TENM3: variants seen among roughly 807,000 people sequenced by gnomAD.
The protein encoded by TENM3 is teneurin transmembrane protein 3.
In TENM3, 63 loss-of-function variants were observed where a neutral mutation model predicts 255.1. The observed-to-expected ratio is 0.25, with a 90% CI of 0.20 to 0.30. TENM3 has a LOEUF of 0.30. Ranked by LOEUF, TENM3 falls within the 10% of genes least tolerant of loss-of-function variation. TENM3 has a pLI of 1.00. For missense variants in TENM3, 2,929 were observed against 3,461.1 expected, an observed-to-expected ratio of 0.85 and a Z score of 3.86; for synonymous variants, 1,306 against 1,322.3, an observed-to-expected ratio of 0.99 and a Z score of 0.27.
intron 3 of TENM3, among the ~76,000 whole-genome samples, chr4:182,466,394 T>C (rs1732593837): frequency 6.6e-6 from 1 of 152,204 alleles, no homozygotes; most frequent in African/African-American, 2.4e-5. Context: ...TCCATTTTCA[T>C]GTGGACTTCT....
the TENM3 span, among the ~76,000 whole-genome samples, chr4:181,623,662 C>T: frequency 7.9e-5 from 12 of 152,274 alleles, no homozygotes; most frequent in Non-Finnish European, 1.6e-4. Context: ...GGAGCTGCCG[C>T]TAAAATTATT....
chr4:182,066,717 T>C, the TENM3 span, among the ~76,000 whole-genome samples: 41 of 151,840 alleles, frequency 2.7e-4, no homozygotes, highest in South Asian at 2.7e-3. Flanking sequence ...GAGACCGTCC[T>C]GGCTAACACC....
At chr4:182,105,286 A>C in the TENM3 span, among the ~76,000 whole-genome samples, 1 of 152,200 alleles carries the variant, frequency 6.6e-6, no homozygotes, top group South Asian at 2.1e-4. Flanking sequence ...TTGAGTGGCA[A>C]TAGGAGACTG....
the TENM3 span, among the ~76,000 whole-genome samples, chr4:181,746,637 T>C: frequency 1.3e-5 from 2 of 152,146 alleles, no homozygotes; most frequent in Non-Finnish European, 2.9e-5. Flanking sequence ...TCTACCTGTA[T>C]AAGTATGACT....
chr4:181,513,485 C>G, the TENM3 span, among the ~76,000 whole-genome samples: 93 of 152,192 alleles, frequency 6.1e-4, no homozygotes, highest in African/African-American at 2.0e-3. Context: ...CTAGAAAACT[C>G]AGATAAAAGT....
the TENM3 span, among the ~76,000 whole-genome samples, chr4:181,704,870 T>A: frequency 6.6e-6 from 1 of 151,910 alleles, no homozygotes; most frequent in Non-Finnish European, 1.5e-5. Flanking sequence ...CCGTCTCTAC[T>A]AAAAATACAA....
rs1411478814 is a variant in TENM3 at position 182,673,062 on chromosome 4, T to C, written c.1169T>C (p.Ile390Thr). ...ACCATAGATTCCGGAGAACTTGATA[T>C]TGGCCGAAGAGCAATTCAAGAGATT... ...NNTIDSGELD[I>T]GRRAIQEIPP... Residue 390 changes from isoleucine to threonine, a missense_variant, in exon 7 of 28, where the codon ATT (isoleucine) becomes ACT (threonine). By Grantham distance (89) the Ile-to-Thr change is moderately conservative (BLOSUM62 -1). Around this residue, in one of 6 missense-constraint regions of TENM3, gnomAD observed 1,608 missense variants for 1,884.4 expected, o/e 0.85. Coordinates refer to ENST00000511685, the MANE Select transcript of TENM3 (RefSeq NM_001080477.4). 3 of 1,609,570 alleles carry C rather than the reference T, an allele frequency of 1.9e-6. No homozygotes were observed. Among genetic ancestry groups the C allele is most frequent in the South Asian group, 2.2e-5 (2 of 90,136 alleles).
the TENM3 span, among the ~76,000 whole-genome samples, chr4:182,118,506 C>A: frequency 6.6e-6 from 1 of 151,918 alleles, no homozygotes; most frequent in Non-Finnish European, 1.5e-5. Flanking sequence ...ATCTTGAACT[C>A]CTGGCCCCAA....
At chr4:181,468,912 C>T in the TENM3 span, among the ~76,000 whole-genome samples, 1 of 152,296 alleles carries the variant, frequency 6.6e-6, no homozygotes, top group East Asian at 1.9e-4. Flanking sequence ...CCAATGGACC[C>T]ATTTTTCTCT....
the TENM3 span, among the ~76,000 whole-genome samples, chr4:181,848,475 G>A: frequency 6.6e-6 from 1 of 152,126 alleles, no homozygotes; most frequent in South Asian, 2.1e-4. Flanking sequence ...CAATATGAAG[G>A]ATGATGGGTA....
At chr4:182,568,144 C>A (rs1201863510) in intron 3 of TENM3, among the ~76,000 whole-genome samples, 1 of 152,192 alleles carries the variant, frequency 6.6e-6, no homozygotes, top group Non-Finnish European at 1.5e-5. Context: ...CTACCTCCAA[C>A]CTACCTTCAA....
chr4:182,603,871 C>T (rs1005543996), intron 4 of TENM3, among the ~76,000 whole-genome samples: 4 of 151,242 alleles, frequency 2.6e-5, no homozygotes, highest in African/African-American at 9.7e-5. Flanking sequence ...AATTCAGTTA[C>T]GAATAAATAA....
chr4:181,688,372 C>G, the TENM3 span, among the ~76,000 whole-genome samples: 1 of 151,984 alleles, frequency 6.6e-6, no homozygotes, highest in Admixed American at 6.6e-5. Flanking sequence ...TTTTTTATAG[C>G]AATAGTAACT....
chr4:182,642,444 G>T (rs1414092319), intron 5 of TENM3, among the ~76,000 whole-genome samples: 1 of 152,174 alleles, frequency 6.6e-6, no homozygotes. Context: ...AAGAAAAAAT[G>T]CAAGGAAACT....
the TENM3 span, among the ~76,000 whole-genome samples, chr4:181,897,182 C>T: frequency 2.6e-5 from 4 of 152,314 alleles, no homozygotes; most frequent in East Asian, 7.7e-4. Flanking sequence ...GATCTGCAGC[C>T]TAGCAGTTCA....
chr4:181,731,188 G>A, the TENM3 span, among the ~76,000 whole-genome samples: 1 of 152,144 alleles, frequency 6.6e-6, no homozygotes, highest in African/African-American at 2.4e-5. Flanking sequence ...AAGAGGACAG[G>A]TAATACTTTT....
intron 1 of TENM3, among the ~76,000 whole-genome samples, chr4:182,214,740 T>C (rs1337766835): frequency 3.3e-5 from 5 of 152,006 alleles, no homozygotes; most frequent in African/African-American, 1.2e-4. Flanking sequence ...TCAACAAATT[T>C]ATAAGAGTTA....
chr4:182,646,691 G>A (rs1361655903), intron 5 of TENM3, among the ~76,000 whole-genome samples: 2 of 152,080 alleles, frequency 1.3e-5, no homozygotes, highest in Non-Finnish European at 2.9e-5. Context: ...GCAGTGAGCC[G>A]GGATTGCGCC....
At chr4:182,129,577 G>A in the TENM3 span, among the ~76,000 whole-genome samples, 1 of 152,104 alleles carries the variant, frequency 6.6e-6, no homozygotes, top group Non-Finnish European at 1.5e-5. Context: ...AAAGCTTTAG[G>A]TGTCGAAGGA....
Sources: allele counts gnomAD v4.1 joint callset (sites outside exome capture counted in the v4.1 genomes callset), GRCh38; gene constraint gnomAD v4.1.1; regional missense constraint gnomAD v4.1.1; transcripts MANE v1.5; gene names NCBI Gene and HGNC (gene_info 2026-07-23, HGNC 2026-07-21).